The following DNAH10 variants were observed in gnomAD, a reference collection of about 807,000 sequenced individuals.
DNAH10 encodes dynein axonemal heavy chain 10, also known as axonemal beta dynein heavy chain 10.
A neutral mutation model predicts 506.6 loss-of-function variants in DNAH10; 348 were observed. That is an observed-to-expected ratio of 0.69 (90% CI 0.63 to 0.75). The LOEUF (loss-of-function observed/expected upper bound fraction) is 0.75. Ranked by LOEUF, DNAH10 falls within the 30% of genes least tolerant of loss-of-function variation. The pLI is 0.00. For synonymous variants in DNAH10, 2,059 were observed against 2,198.6 expected (o/e 0.94, Z 1.78); for missense variants, 5,179 against 5,787.1 (o/e 0.89, Z 3.41).
chr12:123,772,999 A>G (rs1957315603), intron 4 of DNAH10, 57 bp downstream of exon 4: 8 of 1,158,724 alleles, frequency 6.9e-6, no homozygotes, highest in African/African-American at 1.5e-5. Flanking sequence ...TTGTGCATGC[A>G]CTTGTTCACT....
chr12:123,792,174 T>C (rs1454360165), intron 11 of DNAH10, among the ~76,000 whole-genome samples: 1 of 152,246 alleles, frequency 6.6e-6, no homozygotes, highest in East Asian at 1.9e-4. Context: ...GCAAATATTG[T>C]TCATTGCTGA....
In DNAH10 at chr12:123,873,722, C is replaced by T; in HGVS notation, c.7938+12C>T. On this transcript the variant is annotated intron_variant, in intron 46 of 78. Transcript: ENST00000673944. ...TGAATATGCCAAGGGTAGTTTGACG[C>T]TCAAGCAGGTGGAGGGATGGGTCAA... is the stretch of plus-strand genomic sequence containing the variant. 8 of 1,598,510 alleles carry T rather than the reference C, an allele frequency of 5.0e-6. No individual in the cohort carries two copies. The highest frequency in any genetic ancestry group is 6.8e-6 in the Non-Finnish European group (8 of 1,172,252).
chr12:123,883,615 A>T (rs1952603330), intron 51 of DNAH10, among the ~76,000 whole-genome samples: 1 of 152,224 alleles, frequency 6.6e-6, no homozygotes, highest in African/African-American at 2.4e-5. Context: ...TTTTCAATTT[A>T]CAATGGATTT....
At position 123,916,433 on chromosome 12, in the gene DNAH10, G is replaced by C; in HGVS notation, c.10723-24G>C. The C allele has an allele frequency of 6.3e-7, 1 of 1,588,084 alleles. No individual in the cohort carries two copies. The highest frequency in any genetic ancestry group is 8.6e-7 in the Non-Finnish European group (1 of 1,167,274). On this transcript the variant is annotated intron_variant, in intron 62 of 78. Coordinates refer to ENST00000673944, the MANE Select transcript of DNAH10 (RefSeq NM_001372106.1). The surrounding 1 kb of genome is among the most constrained non-coding windows in gnomAD (Gnocchi z 4.6). ...GGCCACAGTTAAACGTGGGCTTTCA[G>C]CATCTGCCTCCCTTCTCTTCCAGGT...
chr12:123,910,757 A>G, intron 59 of DNAH10, 85 bp downstream of exon 59: 1 of 1,507,916 alleles, frequency 6.6e-7, no homozygotes, highest in African/African-American at 1.4e-5. Context: ...TTTGCTGAAA[A>G]ACTTCTCCCG....
intron 21 of DNAH10, 92 bp downstream of exon 21, chr12:123,814,004 A>G: frequency 4.0e-6 from 5 of 1,234,740 alleles, no homozygotes; most frequent in Middle Eastern, 2.0e-4. Context: ...ACTGCCATTG[A>G]TTTGTTTTCA....
intron 43 of DNAH10, among the ~76,000 whole-genome samples, chr12:123,869,644 C>T (rs553370158): frequency 6.6e-6 from 1 of 152,220 alleles, no homozygotes; most frequent in Non-Finnish European, 1.5e-5. Flanking sequence ...CTGTCTCTGA[C>T]TTTCTCCTTT....
intron 51 of DNAH10, among the ~76,000 whole-genome samples, chr12:123,885,441 C>T (rs1952687458): frequency 6.6e-6 from 1 of 152,074 alleles, no homozygotes; most frequent in African/African-American, 2.4e-5. Context: ...TGATGAACAC[C>T]TTTGTTTATG....
At chr12:123,898,013 T>C in intron 55 of DNAH10, 46 bp downstream of exon 55, 1 of 1,498,004 alleles carries the variant, frequency 6.7e-7, no homozygotes, top group Non-Finnish European at 8.9e-7. Context: ...TTATTATTTA[T>C]GGGTAAGGAT....
rs202015039 is a variant in DNAH10, at chr12:123,861,104, G to A, written c.6842G>A (p.Trp2281Ter). 8 of 1,613,952 alleles carry A rather than the reference G, an allele frequency of 5.0e-6. No individual in the cohort carries two copies. The highest frequency in any genetic ancestry group is 1.1e-5 in the South Asian group (1 of 91,060). ...ATCCTGGACCCAACCACCCGAGACT[G>A]GACAGATGGGGTGTTGTCAAACATC... ...YGILDPTTRD[W>*]TDGVLSNIFR... Residue 2281 changes from tryptophan (W) to a stop codon, truncating the protein, a stop_gained, in exon 39 of 79, where the codon TGG becomes TAG. Coordinates refer to ENST00000673944, the MANE Select transcript of DNAH10 (RefSeq NM_001372106.1). LOFTEE classifies it high-confidence loss of function.
chr12:123,922,224 T>C (rs996442854), intron 65 of DNAH10, among the ~76,000 whole-genome samples: 1 of 151,758 alleles, frequency 6.6e-6, no homozygotes, highest in Non-Finnish European at 1.5e-5. Flanking sequence ...AATACAAAAA[T>C]TAGCTGGGCG....
chr12:123,934,328 G>A (rs1365035929), intron 77 of DNAH10: 6 of 680,056 alleles, frequency 8.8e-6, no homozygotes, highest in Non-Finnish European at 1.6e-5. Flanking sequence ...GGTGGTCTAA[G>A]TCCGTGGGCC....
Position 123,917,661 on chromosome 12 carries a change from G to A in DNAH10, c.11080G>A (p.Glu3694Lys). The A allele has an allele frequency of 6.4e-7, 1 of 1,551,946 alleles. No homozygotes were observed. The highest frequency in any genetic ancestry group is 1.4e-5 in the African/African-American group (1 of 73,190). ...GAGGCGGGAGCTGGAGGAGCAGCGG[G>A]AGCACCTCATCCAGGAGACCAGCGA... ...YERRELEEQR[E>K]HLIQETSENK... Residue 3694 changes from glutamate to lysine, a missense_variant, in exon 64 of 79, where the codon GAG (glutamate) becomes AAG (lysine). Transcript: ENST00000673944. This position sits in a 1 kb window ranked among gnomAD's most constrained non-coding sequence, Gnocchi z 5.6.
At chr12:123,849,014 T>C in intron 34 of DNAH10, 132 bp downstream of exon 34, 1 of 1,153,140 alleles carries the variant, frequency 8.7e-7, no homozygotes, top group Non-Finnish European at 1.2e-6. Context: ...GATCTGTTGG[T>C]TTTTCCAATT....
chr12:123,920,415 A>G (rs1014102721), intron 65 of DNAH10, among the ~76,000 whole-genome samples: 14 of 152,232 alleles, frequency 9.2e-5, no homozygotes, highest in Middle Eastern at 3.2e-3. Context: ...CATGGTGGCA[A>G]TTGTAGCACA....
chr12:123,792,595 G>T (rs1958122560), intron 11 of DNAH10, among the ~76,000 whole-genome samples: 1 of 151,964 alleles, frequency 6.6e-6, no homozygotes, highest in South Asian at 2.1e-4. Context: ...GAGTAGCTGG[G>T]GTTACAGGTG....
chr12:123,805,426 C>T lies in DNAH10; in HGVS notation c.2987+386C>T, dbSNP rs145262814. On this transcript the variant is annotated intron_variant, in intron 18 of 78. Coordinates refer to ENST00000673944, the MANE Select transcript of DNAH10 (RefSeq NM_001372106.1). The stretch of plus-strand genomic sequence containing the variant: ...ATTTCAAGTCAGCCCCTAGTTAGCG[C>T]GGTCTGTGCGTGTTGAATGCCTGTT... Among the ~76,000 whole-genome samples the T allele has an allele frequency of 4.4e-3, 677 of 152,310 alleles. 2 individuals carry two copies. The highest frequency in any genetic ancestry group is 7.3e-3 in the Non-Finnish European group (499 of 68,014).
chr12:123,860,600 G>A (rs924729753), intron 38 of DNAH10, among the ~76,000 whole-genome samples: 6 of 152,098 alleles, frequency 3.9e-5, no homozygotes, highest in Admixed American at 3.9e-4. Context: ...TAGATAAGGA[G>A]GATTGAACAT....
At chr12:123,908,646 A>G (rs964008422) in intron 57 of DNAH10, 1 of 442,066 alleles carries the variant, frequency 2.3e-6, no homozygotes, top group African/African-American at 2.0e-5. Context: ...CTCCAGAGGA[A>G]CAAGGGCAGT....
Sources: allele counts gnomAD v4.1 joint callset (sites outside exome capture counted in the v4.1 genomes callset), GRCh38; gene constraint gnomAD v4.1.1; non-coding constraint Gnocchi (gnomAD v3.1); transcripts MANE v1.5; gene names NCBI Gene and HGNC (gene_info 2026-07-23, HGNC 2026-07-21).